The following PALM variants were observed in gnomAD, a reference collection of about 807,000 sequenced individuals.
PALM encodes the protein paralemmin-1.
In PALM, 18 loss-of-function variants were observed where a neutral mutation model predicts 30.7. The ratio of observed to expected loss-of-function variants is 0.59; its 90% CI spans 0.41 to 0.87. The LOEUF is 0.87. Among genes scored for constraint, PALM ranks in the 40% least tolerant of loss-of-function variants. PALM has a pLI of 0.00. For synonymous variants in PALM, 286 were observed against 242.8 expected, an observed-to-expected ratio of 1.18 and a Z score of -1.66; for missense variants, 529 against 555.4, an observed-to-expected ratio of 0.95 and a Z score of 0.48.
At chr19:740,048 G>A (rs1161076529) in intron 7 of PALM, among the ~76,000 whole-genome samples, 2 of 152,212 alleles carry the variant, frequency 1.3e-5, no homozygotes, top group Non-Finnish European at 2.9e-5. Context: ...CAATAGTTTG[G>A]TGGCGAAACA....
intron 7 of PALM, among the ~76,000 whole-genome samples, chr19:737,699 G>A (rs572060547): frequency 8.5e-5 from 13 of 152,198 alleles, no homozygotes; most frequent in East Asian, 2.0e-4. Context: ...CAGAGGGCAC[G>A]GCCAGTGCAA....
intron 1 of PALM, chr19:719,537 A>G: frequency 1.0e-6 from 1 of 985,552 alleles, no homozygotes; most frequent in Non-Finnish European, 1.2e-6. Context: ...GGAGGCTCGG[A>G]GACCCAGCAC....
intron 5 of PALM, among the ~76,000 whole-genome samples, chr19:732,118 A>G (rs1052077481): frequency 2.6e-5 from 4 of 152,120 alleles, no homozygotes; most frequent in African/African-American, 9.7e-5. Context: ...CTGGGACCAC[A>G]GGCACGCACC....
In PALM at chr19:746,933, TA is replaced by T; in HGVS notation, c.*120del. On this transcript the variant is annotated 3_prime_UTR_variant, in exon 9 of 9. Coordinates refer to ENST00000338448, the MANE Select transcript of PALM (RefSeq NM_002579.3). The surrounding 1 kb of genome is among the most constrained non-coding windows in gnomAD (Gnocchi z 7.1). Reference sequence around the variant, plus strand: ...ACGGGTCCAGGACTTGGCGTGTTGTTACATGTTCCTTCCGAGTTTTCTTTCG... The same window carrying T: ...ACGGGTCCAGGACTTGGCGTGTTGTTCATGTTCCTTCCGAGTTTTCTTTCG... 3.1e-6 allele frequency: 2 copies of T among 655,072 alleles called. No homozygotes were observed. Among genetic ancestry groups the T allele is most frequent in the South Asian group, 3.9e-5 (2 of 51,506 alleles). The allele number at this position is 655,072 out of a possible 1,614,324, so 40.6% of individuals were successfully genotyped here.
Position 747,014 on chromosome 19 carries a change from A to C in PALM, c.*200A>C. On this transcript the variant is annotated 3_prime_UTR_variant, in exon 9 of 9. Transcript: ENST00000338448. ...TCACCACGCCCCAACACTCCCCCCG[A>C]ACCAGAGCCGTGCACTTGTGCCTGG... is the stretch of plus-strand genomic sequence containing the variant. The C allele has an allele frequency of 1.7e-6, 1 of 583,208 alleles. No homozygotes were observed. Among genetic ancestry groups the C allele is most frequent in the Non-Finnish European group, 3.1e-6 (1 of 327,552 alleles). The allele number at this position is 583,208 out of a possible 1,614,324, so 36.1% of individuals were successfully genotyped here. A position where few individuals can be genotyped will look rare whatever the true frequency, so the allele number is the denominator to read the frequency against.
chr19:745,490 TTGA>T (rs1426956226), intron 8 of PALM, among the ~76,000 whole-genome samples: 1 of 151,850 alleles, frequency 6.6e-6, no homozygotes, highest in Non-Finnish European at 1.5e-5. Flanking sequence ...GGTCAGGAGT[TTGA>T]GACCAGCCTG....
Position 746,510 on chromosome 19 carries a change from C to A in PALM, c.860C>A (p.Pro287Gln). ...QAQPGEATSG[P>Q]PGIQPGQEPP... ...CAGCCAGGCGAGGCCACGTCCGGCCCGCCGGGGATCCAGCCCGGCCAGGAG... is the reference window on the plus strand; with the variant it reads ...CAGCCAGGCGAGGCCACGTCCGGCCAGCCGGGGATCCAGCCCGGCCAGGAG... Residue 287 changes from proline to glutamine, a missense_variant, in exon 9 of 9, where the codon CCG (proline) becomes CAG (glutamine). Transcript: ENST00000338448. This position sits in a 1 kb window ranked among gnomAD's most constrained non-coding sequence, Gnocchi z 7.1. 1 of 1,612,540 alleles carries A rather than the reference C, an allele frequency of 6.2e-7. No homozygotes were observed. The highest frequency in any genetic ancestry group is 8.5e-7 in the Non-Finnish European group (1 of 1,179,736).
chr19:732,143 A>G (rs1448002702), intron 5 of PALM, among the ~76,000 whole-genome samples: 2 of 152,186 alleles, frequency 1.3e-5, no homozygotes, highest in East Asian at 3.9e-4. Flanking sequence ...CGCCCGGCTA[A>G]TTTCTGTATT....
chr19:723,267 G>A (rs2032551887), intron 1 of PALM, among the ~76,000 whole-genome samples: 1 of 152,100 alleles, frequency 6.6e-6, no homozygotes, highest in African/African-American at 2.4e-5. Context: ...GCTGGCTCTG[G>A]GCCCTGACAC....
At chr19:729,418 C>G (rs1472385892) in intron 4 of PALM, among the ~76,000 whole-genome samples, 1 of 150,974 alleles carries the variant, frequency 6.6e-6, no homozygotes, top group East Asian at 1.9e-4. Flanking sequence ...CCTCAGTTTC[C>G]TCACCTGTGA....
chr19:740,225 G>A (rs1410975247), intron 7 of PALM, 127 bp from the exon 8 acceptor site: 13 of 922,350 alleles, frequency 1.4e-5, no homozygotes, highest in African/African-American at 3.4e-5. Flanking sequence ...AGGCATCCCC[G>A]GCTCCGCCTG....
At position 710,135 on chromosome 19, in the gene PALM, A is replaced by T. The variant is rs139281433; in HGVS notation, c.5+984A>T. Among the ~76,000 whole-genome samples, 1,158 of 151,956 alleles carry T rather than the reference A, an allele frequency of 7.6e-3. 18 individuals carry two copies. Among genetic ancestry groups the T allele is most frequent in the African/African-American group, 0.027 (1,112 of 41,414 alleles). On this transcript the variant is annotated intron_variant, in intron 1 of 8. Transcript: ENST00000338448. ...CCCGGGTCCCCACCCCAGCCCGAGG[A>T]CCGAAGACCGGATCTGGAGGCCGCC...
intron 1 of PALM, among the ~76,000 whole-genome samples, chr19:723,174 G>C (rs1304485654): frequency 6.6e-6 from 1 of 152,138 alleles, no homozygotes; most frequent in Non-Finnish European, 1.5e-5. Flanking sequence ...GGAGGCCTTA[G>C]AGCTGCAGGC....
rs4919893 is a variant in PALM at position 746,881 on chromosome 19, G to A, written c.*67G>A. 2.2e-5 allele frequency: 20 copies of A among 921,976 alleles called. No individual in the cohort carries two copies. The highest frequency in any genetic ancestry group is 2.9e-5 in the Non-Finnish European group (18 of 630,508). The allele number at this position is 921,976 out of a possible 1,614,324, so 57.1% of individuals were successfully genotyped here. ...ACCCACCAGCCCGGCCCCTCCCGGC[G>A]CCTGCCCACCCTCCACCCACAGCCT... On this transcript the variant is annotated 3_prime_UTR_variant, in exon 9 of 9. Coordinates refer to ENST00000338448, the MANE Select transcript of PALM (RefSeq NM_002579.3). The surrounding 1 kb of genome is among the most constrained non-coding windows in gnomAD (Gnocchi z 7.1).
chr19:730,453 T>C (rs536094995), intron 4 of PALM, among the ~76,000 whole-genome samples: 5 of 152,152 alleles, frequency 3.3e-5, no homozygotes, highest in Non-Finnish European at 7.3e-5. Flanking sequence ...GAAAGTGACA[T>C]GGTTTTTCCA....
chr19:745,834 G>A (rs372993223), intron 8 of PALM, among the ~76,000 whole-genome samples: 84 of 150,790 alleles, frequency 5.6e-4, no homozygotes, highest in South Asian at 1.7e-3. Context: ...CAAGACGGGC[G>A]GATCACCTGA....
At chr19:712,249 C>T (rs995567452) in intron 1 of PALM, among the ~76,000 whole-genome samples, 1 of 151,600 alleles carries the variant, frequency 6.6e-6, no homozygotes, top group Non-Finnish European at 1.5e-5. Flanking sequence ...TCTTGAACTC[C>T]TGACCTCAGG....
chr19:740,230 C>T (rs530676285), intron 7 of PALM, 122 bp from the exon 8 acceptor site: 10 of 979,318 alleles, frequency 1.0e-5, no homozygotes, highest in South Asian at 1.7e-5. Context: ...TCCCCGGCTC[C>T]GCCTGCCCCA....
chr19:725,384 C>T (rs1365538907), intron 1 of PALM, among the ~76,000 whole-genome samples: 1 of 151,860 alleles, frequency 6.6e-6, no homozygotes, highest in African/African-American at 2.4e-5. Flanking sequence ...CATGGTGAAA[C>T]CCCTGTCTCT....
Sources: gnomAD v4.1 joint callset for allele counts (sites outside exome capture counted in the v4.1 genomes callset) on GRCh38, gnomAD v4.1.1 for gene constraint, Gnocchi (gnomAD v3.1) non-coding constraint, MANE v1.5 for transcripts, NCBI Gene and HGNC (gene_info 2026-07-23, HGNC 2026-07-21) for gene names.